The following SLC24A3 variants were observed in gnomAD, a reference collection of about 807,000 sequenced individuals.
SLC24A3 encodes solute carrier family 24 member 3.
A neutral mutation model predicts 75.8 loss-of-function variants in SLC24A3; 28 were observed. That is an observed-to-expected ratio of 0.37 (90% CI 0.27 to 0.51). The LOEUF (loss-of-function observed/expected upper bound fraction) is 0.51, where lower values mean the gene tolerates loss of function less well. SLC24A3 is among the 20% of genes least tolerant of loss of function. The probability of loss-of-function intolerance (pLI) is 0.94; values close to 1 mark genes in which losing one functional copy is unlikely to be tolerated. For synonymous variants in SLC24A3, 372 were observed against 334.1 expected (o/e 1.11, Z -1.24); for missense variants, 663 against 847.8 (o/e 0.78, Z 2.71).
chr20:19,590,180 A>T (rs1040584093), intron 6 of SLC24A3, among the ~76,000 whole-genome samples: 15 of 151,736 alleles, frequency 9.9e-5, no homozygotes, highest in African/African-American at 3.6e-4. Flanking sequence ...TTTTGCACCA[A>T]CCTAATATTT....
chr20:19,569,323 G>A (rs559246664), intron 3 of SLC24A3, among the ~76,000 whole-genome samples: 2 of 152,300 alleles, frequency 1.3e-5, no homozygotes, highest in East Asian at 3.9e-4. Context: ...GAGGGCCTTA[G>A]TACATCGGCA....
chr20:19,329,454 CACA>C (rs1984946485), intron 2 of SLC24A3, among the ~76,000 whole-genome samples: 1 of 152,172 alleles, frequency 6.6e-6, no homozygotes, highest in African/African-American at 2.4e-5. Flanking sequence ...CTATAGGAAA[CACA>C]ACGAGATGCT....
chr20:19,457,938 T>C (rs764546), intron 2 of SLC24A3, among the ~76,000 whole-genome samples: 95,922 of 152,014 alleles, frequency 0.63, 30,672 homozygotes, highest in African/African-American at 0.73. Context: ...TGGCCCCAGG[T>C]GAATCACAGA....
chr20:19,256,265 A>G (rs944007841), intron 1 of SLC24A3, among the ~76,000 whole-genome samples: 1 of 152,132 alleles, frequency 6.6e-6, no homozygotes, highest in East Asian at 1.9e-4. Context: ...CATTCATATG[A>G]TGTGTTCAGA....
chr20:19,594,687 G>C (rs944030480), intron 6 of SLC24A3, among the ~76,000 whole-genome samples: 1 of 152,150 alleles, frequency 6.6e-6, no homozygotes. Context: ...TAGGTGAGTG[G>C]GTGGGTGGCT....
At chr20:19,537,039 A>C (rs1046985289) in intron 3 of SLC24A3, among the ~76,000 whole-genome samples, 10 of 152,226 alleles carry the variant, frequency 6.6e-5, no homozygotes, top group Non-Finnish European at 1.5e-4. Flanking sequence ...ATCTAATTAA[A>C]CTAAAGAGCT....
At position 19,613,501 on chromosome 20, in the gene SLC24A3, G is replaced by A. The variant is rs548962368; in HGVS notation, c.612+27957G>A. Among the ~76,000 whole-genome samples the A allele has an allele frequency of 5.9e-5, 9 of 152,288 alleles. No individual in the cohort carries two copies. In the South Asian group the frequency reaches 1.4e-3, roughly 25 times the overall value. Reference sequence around the variant, plus strand: ...TATCTTGCTGAATTCTCCCTGGAATGTGTGGCAGTTGGTTCAGTTTCTGCA... The same window carrying A: ...TATCTTGCTGAATTCTCCCTGGAATATGTGGCAGTTGGTTCAGTTTCTGCA... On this transcript the variant is annotated intron_variant, in intron 6 of 16. Transcript: ENST00000328041.
chr20:19,672,004 C>T (rs1341904666), intron 8 of SLC24A3, among the ~76,000 whole-genome samples: 2 of 151,924 alleles, frequency 1.3e-5, no homozygotes, highest in African/African-American at 4.8e-5. Context: ...TTTTATGAAG[C>T]GGGGCAGATG....
chr20:19,569,942 C>G (rs910346211), intron 3 of SLC24A3, among the ~76,000 whole-genome samples: 1 of 152,280 alleles, frequency 6.6e-6, no homozygotes, highest in South Asian at 2.1e-4. Flanking sequence ...TGGTCAAACC[C>G]TTTTGAGTTG....
At chr20:19,442,624 T>C (rs967630309) in intron 2 of SLC24A3, among the ~76,000 whole-genome samples, 1 of 152,206 alleles carries the variant, frequency 6.6e-6, no homozygotes, top group Non-Finnish European at 1.5e-5. Flanking sequence ...CAAATATCTG[T>C]TTTGCAAATA....
chr20:19,633,190 A>T (rs966897242), intron 6 of SLC24A3, among the ~76,000 whole-genome samples: 3 of 152,178 alleles, frequency 2.0e-5, no homozygotes, highest in Admixed American at 6.5e-5. Flanking sequence ...AATAATGAAA[A>T]TTTATTTTTT....
At chr20:19,213,146 C>T in intron 1 of SLC24A3, 162 bp downstream of exon 1, 1 of 781,878 alleles carries the variant, frequency 1.3e-6, no homozygotes, top group Non-Finnish European at 1.7e-6. Flanking sequence ...ACTCCCCCTG[C>T]CCCACGCAGA....
In SLC24A3 at chr20:19,673,671, A is replaced by G. The variant is rs1278263057; in HGVS notation, c.767+17A>G. The G allele has an allele frequency of 6.2e-7, 1 of 1,606,584 alleles. No homozygotes were observed. On this transcript the variant is annotated intron_variant, in intron 9 of 16. Transcript: ENST00000328041. ...CATCATGAAGTAAGTAAAATTTTTC[A>G]TTTCTTATCCAAAACTGTTTCTTGC...
intron 1 of SLC24A3, among the ~76,000 whole-genome samples, chr20:19,264,524 C>T (rs929984155): frequency 2.7e-5 from 4 of 150,824 alleles, no homozygotes; most frequent in Non-Finnish European, 5.9e-5. Flanking sequence ...CAGGAGTTCG[C>T]GACCAGCCTG....
chr20:19,623,904 G>A (rs1316792805), intron 6 of SLC24A3, among the ~76,000 whole-genome samples: 1 of 152,172 alleles, frequency 6.6e-6, no homozygotes, highest in African/African-American at 2.4e-5. Context: ...ACACTTGGTG[G>A]CCAGCCACAT....
chr20:19,363,258 G>A (rs1040022216), intron 2 of SLC24A3, among the ~76,000 whole-genome samples: 2 of 152,186 alleles, frequency 1.3e-5, no homozygotes, highest in Admixed American at 6.5e-5. Context: ...GGGCCCTTTT[G>A]TTCCCCTTTT....
intron 3 of SLC24A3, among the ~76,000 whole-genome samples, chr20:19,552,989 C>A (rs1347021597): frequency 6.6e-6 from 1 of 151,964 alleles, no homozygotes; most frequent in Admixed American, 6.6e-5. Context: ...GACTAGGGAC[C>A]TCGCCTTTCC....
At chr20:19,231,591 G>C (rs944115578) in intron 1 of SLC24A3, among the ~76,000 whole-genome samples, 1 of 152,200 alleles carries the variant, frequency 6.6e-6, no homozygotes. Flanking sequence ...ACAAGGCAAG[G>C]CTGCAGATTC....
chr20:19,285,932 T>C (rs190294450), intron 2 of SLC24A3, among the ~76,000 whole-genome samples: 1 of 152,350 alleles, frequency 6.6e-6, no homozygotes, highest in Non-Finnish European at 1.5e-5. Context: ...GAAAAATATA[T>C]CATCTTTTGG....
Sources: allele counts gnomAD v4.1 joint callset (sites outside exome capture counted in the v4.1 genomes callset), GRCh38; gene constraint gnomAD v4.1.1; transcripts MANE v1.5; gene names NCBI Gene and HGNC (gene_info 2026-07-23, HGNC 2026-07-21).